Variants in PPEF1 observed in about 807,000 individuals in gnomAD.
PPEF1 encodes protein phosphatase with EF-hand domain 1, also known as serine/threonine-protein phosphatase with EF-hands 1.
PPEF1 carries 12 observed loss-of-function variants against 53.3 expected under a neutral mutation model. The ratio of observed to expected loss-of-function variants is 0.23; its 90% CI spans 0.14 to 0.36. The LOEUF is 0.36. Among genes scored for constraint, PPEF1 ranks in the 10% least tolerant of loss-of-function variants. The pLI is 1.00. For missense variants in PPEF1, 334 were observed against 490.4 expected (o/e 0.68, Z 3.01); for synonymous variants, 165 against 176.7 (o/e 0.93, Z 0.52).
intron 1 of PPEF1, among the ~76,000 whole-genome samples, chrX:18,723,987 C>T (rs943294666): frequency 9.0e-6 from 1 of 110,940 alleles, no homozygotes; most frequent in African/African-American, 3.3e-5. Context: ...AGGGTTTCGC[C>T]ATGTTGCCCA....
chrX:18,776,212 G>T (rs1362967732), intron 6 of PPEF1, among the ~76,000 whole-genome samples: 1 of 105,342 alleles, frequency 9.5e-6, no homozygotes, highest in Non-Finnish European at 1.9e-5. Flanking sequence ...TTTCTTTGTG[G>T]TTGGTTGGTT....
chrX:18,786,619 C>T lies in PPEF1; in HGVS notation c.913-2502C>T, dbSNP rs755647965. ...CCAAAAAGGTGAAACCCTGTCCTTA[C>T]TAAAATACAAAAAAATAGCTGGGCA... On this transcript the variant is annotated intron_variant, in intron 9 of 15. Coordinates refer to ENST00000470157, the MANE Select transcript of PPEF1 (RefSeq NM_001377996.1). Among the ~76,000 whole-genome samples the T allele has an allele frequency of 5.5e-5, 6 of 108,564 alleles. No individual in the cohort carries two copies. The South Asian group carries it at 1.6e-3, about 30-fold the overall frequency. 94.3% of individuals were successfully genotyped at this position (108,564 alleles called of 115,157 possible).
At chrX:18,758,937 G>T (rs1190671303) in intron 5 of PPEF1, among the ~76,000 whole-genome samples, 3 of 111,405 alleles carry the variant, frequency 2.7e-5, no homozygotes, top group African/African-American at 6.5e-5. Flanking sequence ...AGAACTGAAG[G>T]GTTCTCTAGT....
chrX:18,725,866 C>A (rs1317589417), intron 1 of PPEF1, among the ~76,000 whole-genome samples: 1 of 110,754 alleles, frequency 9.0e-6, no homozygotes, highest in Admixed American at 9.7e-5. Context: ...CAGTTTACAC[C>A]CCTCCCAGTG....
At chrX:18,705,710 G>C (rs752328342), upstream of PPEF1, among the ~76,000 whole-genome samples, 3 of 111,099 alleles carry the variant, frequency 2.7e-5, no homozygotes, top group Non-Finnish European at 5.7e-5. Context: ...GCGAGACCTT[G>C]TCTCAAAAAA....
In PPEF1 at chrX:18,827,446, T is replaced by C. The variant is rs1246259177; in HGVS notation, c.1921T>C (p.Tyr641His). Reference sequence around the variant, plus strand: ...AAAGGCTTTCTATGTAGTGCATAGATATGAAGACTTGATGAAACCTGATGT... The same window carrying C: ...AAAGGCTTTCTATGTAGTGCATAGACATGAAGACTTGATGAAACCTGATGT... ...FLKAFYVVHR[Y>H]EDLMKPDVTN... Residue 641 changes from tyrosine to histidine, a missense_variant, in exon 16 of 16, where the codon TAT becomes CAT. Physicochemically the swap from Tyr to His is moderately conservative, Grantham distance 83 (BLOSUM62 2). Transcript: ENST00000470157. 8 of 1,210,495 alleles carry C rather than the reference T, an allele frequency of 6.6e-6. No individual in the cohort carries two copies. The highest frequency in any genetic ancestry group is 1.7e-5 in the African/African-American group (1 of 57,782).
At chrX:18,826,619 G>T (rs1236874383) in intron 15 of PPEF1, among the ~76,000 whole-genome samples, 1 of 107,709 alleles carries the variant, frequency 9.3e-6, no homozygotes, top group Non-Finnish European at 1.9e-5. Context: ...TAGAGATGGG[G>T]TTCTCCATGT....
chrX:18,718,582 A>G (rs997109867), intron 1 of PPEF1, among the ~76,000 whole-genome samples: 1 of 111,442 alleles, frequency 9.0e-6, no homozygotes, highest in Admixed American at 9.6e-5. Context: ...AGAGCAAGAC[A>G]TTGTCTCAAA....
At chrX:18,755,929 T>C (rs190296479) in intron 4 of PPEF1, among the ~76,000 whole-genome samples, 1 of 111,054 alleles carries the variant, frequency 9.0e-6, no homozygotes, top group Non-Finnish European at 1.9e-5. Flanking sequence ...ATATAGCACA[T>C]TGTATTTAAG....
chrX:18,745,531 G>A (rs995032689), intron 3 of PPEF1, among the ~76,000 whole-genome samples: 1 of 109,887 alleles, frequency 9.1e-6, no homozygotes, highest in Non-Finnish European at 1.9e-5. Context: ...TTGGGTGTAG[G>A]TATTTAATCA....
intron 1 of PPEF1, among the ~76,000 whole-genome samples, chrX:18,709,175 G>T (rs2044266655): frequency 8.9e-6 from 1 of 112,166 alleles, no homozygotes; most frequent in South Asian, 3.6e-4. Flanking sequence ...TGTTCACAGT[G>T]TCGTGCAACC....
At chrX:18,755,452 C>T (rs886518343) in intron 4 of PPEF1, among the ~76,000 whole-genome samples, 12 of 111,253 alleles carry the variant, frequency 1.1e-4, no homozygotes, top group South Asian at 3.8e-4. Flanking sequence ...CTGTAGTCCC[C>T]GCTACTCGGG....
intron 1 of PPEF1, among the ~76,000 whole-genome samples, chrX:18,725,383 C>G (rs1368043994): frequency 8.9e-6 from 1 of 112,034 alleles, no homozygotes; most frequent in Non-Finnish European, 1.9e-5. Flanking sequence ...GTGCACTCAG[C>G]TGGTGCTGGT....
At chrX:18,778,219 CAT>C (rs1203385314) in intron 6 of PPEF1, among the ~76,000 whole-genome samples, 5 of 111,315 alleles carry the variant, frequency 4.5e-5, no homozygotes, top group Non-Finnish European at 9.4e-5. Flanking sequence ...AGGCATGTTA[CAT>C]GTGTTTGTTT....
chrX:18,744,621 G>A lies in PPEF1; in HGVS notation c.236-5171G>A, dbSNP rs749730214. 1.2e-4 allele frequency among the ~76,000 whole-genome samples: 13 copies of A among 111,687 alleles called. No individual in the cohort carries two copies. The East Asian group carries it at 3.6e-3, about 31-fold the overall frequency. On this transcript the variant is annotated intron_variant, in intron 3 of 15. Coordinates refer to ENST00000470157, the MANE Select transcript of PPEF1 (RefSeq NM_001377996.1). Reference sequence around the variant, plus strand: ...ACTTTTCTTTCTGCTTCTCAGATCAGCCAAAATGTCCTATCGGACCAGGTA... The same window carrying A: ...ACTTTTCTTTCTGCTTCTCAGATCAACCAAAATGTCCTATCGGACCAGGTA...
In PPEF1 at chrX:18,741,951, G is replaced by C. The variant is rs113992925; in HGVS notation, c.236-7841G>C. ...TAGCTGGGATTACAGGCATTCACCAGTAAACCTGGCTAATTTTTGTATTCT... is the reference window on the plus strand; with the variant it reads ...TAGCTGGGATTACAGGCATTCACCACTAAACCTGGCTAATTTTTGTATTCT... On this transcript the variant is annotated intron_variant, in intron 3 of 15. Transcript: ENST00000470157. Among the ~76,000 whole-genome samples, 936 of 108,865 alleles carry C rather than the reference G, an allele frequency of 8.6e-3. 12 individuals are homozygous for C. Among genetic ancestry groups the C allele is most frequent in the African/African-American group, 0.03 (890 of 29,876 alleles). 94.5% of individuals were successfully genotyped at this position (108,865 alleles called of 115,157 possible).
intron 5 of PPEF1, among the ~76,000 whole-genome samples, chrX:18,759,515 T>C (rs1400418976): frequency 8.9e-6 from 1 of 111,858 alleles, no homozygotes; most frequent in East Asian, 2.8e-4. Context: ...GATAACCAAT[T>C]CTGCACTCAT....
chrX:18,762,850 G>A (rs140785975), intron 6 of PPEF1, among the ~76,000 whole-genome samples: 407 of 111,467 alleles, frequency 3.7e-3, no homozygotes, highest in African/African-American at 0.012. Flanking sequence ...CGGTTTCTGC[G>A]TGCTCTGGTT....
intron 15 of PPEF1, among the ~76,000 whole-genome samples, chrX:18,826,647 A>T (rs1277036800): frequency 9.2e-6 from 1 of 108,714 alleles, no homozygotes; most frequent in Non-Finnish European, 1.9e-5. Context: ...GCTGGTCTCG[A>T]ACTCCCGACC....
Sources: gnomAD v4.1 joint callset for allele counts (sites outside exome capture counted in the v4.1 genomes callset) on GRCh38, gnomAD v4.1.1 for gene constraint, MANE v1.5 for transcripts, NCBI Gene and HGNC (gene_info 2026-07-23, HGNC 2026-07-21) for gene names.